The following CSMD2 variants were observed in gnomAD, a reference collection of about 807,000 sequenced individuals.
CSMD2 encodes the protein CUB and sushi domain-containing protein 2.
A neutral mutation model predicts 398.5 loss-of-function variants in CSMD2; 130 were observed. The observed-to-expected ratio is 0.33, with a 90% CI of 0.28 to 0.38. The LOEUF is 0.38. CSMD2 is among the 10% of genes least tolerant of loss of function. CSMD2 has a pLI of 1.00. For missense variants in CSMD2, 3,829 were observed against 4,764.9 expected (o/e 0.80, Z 5.78); for synonymous variants, 1,828 against 1,908.5 (o/e 0.96, Z 1.10).
At position 33,593,431 on chromosome 1, in the gene CSMD2, G is replaced by A. The variant is rs575412337; in HGVS notation, c.6857-6263C>T. Among the ~76,000 whole-genome samples, 23 of 152,348 alleles carry A rather than the reference G, an allele frequency of 1.5e-4. No homozygotes were observed. The South Asian group carries it at 4.8e-3, about 32-fold the overall frequency. ...AGGTTTATTGGACTTACAATTCCAC[G>A]TGGCTGGGGAGGCCTCATAATCATG... On this transcript the variant is annotated intron_variant, in intron 44 of 70. Transcript: ENST00000373381.
At chr1:33,709,044 T>G (rs750242243) in intron 22 of CSMD2, 45 bp downstream of exon 22, 1 of 1,512,596 alleles carries the variant, frequency 6.6e-7, no homozygotes, top group Non-Finnish European at 9.0e-7. Context: ...TTGACTAGAC[T>G]ATTGCATACT....
chr1:33,825,628 C>T (rs753012098), intron 7 of CSMD2, 69 bp downstream of exon 7: 146 of 1,356,778 alleles, frequency 1.1e-4, no homozygotes, highest in African/African-American at 2.3e-4. Context: ...GGCTTCCCCA[C>T]GGTTTAGTGC....
At chr1:33,881,230 G>A (rs772508318) in intron 5 of CSMD2, among the ~76,000 whole-genome samples, 29 of 152,192 alleles carry the variant, frequency 1.9e-4, no homozygotes, top group Non-Finnish European at 3.5e-4. Context: ...ACCCTCCTCT[G>A]TGAATCCTTT....
Position 33,743,335 on chromosome 1 carries a change from G to A in CSMD2, c.2118C>T (p.Leu706=), listed in dbSNP as rs199900835. The change falls in exon 14 of 71, where the codon CTC becomes CTT. Residue 706 remains leucine (L), a synonymous_variant. Coordinates refer to ENST00000373381, the MANE Select transcript of CSMD2 (RefSeq NM_001281956.2). Reference sequence around the variant, plus strand: ...CTGTGGAGTGGTCAGTCTGGAACTCGAGACGGGCCACGTGGCCACTGCTTG... The same window carrying A: ...CTGTGGAGTGGTCAGTCTGGAACTCAAGACGGGCCACGTGGCCACTGCTTG... ...SITSSGHVAR[L]EFQTDHSTGK... is the part of the protein sequence containing the mutation. 2.6e-5 allele frequency: 42 copies of A among 1,614,056 alleles called. No homozygotes were observed. The highest frequency in any genetic ancestry group is 1.3e-4 in the Admixed American group (8 of 60,018).
intron 13 of CSMD2, among the ~76,000 whole-genome samples, chr1:33,764,263 T>G (rs1376942924): frequency 6.6e-6 from 1 of 152,082 alleles, no homozygotes; most frequent in Admixed American, 6.5e-5. Context: ...AGCCCTGGAC[T>G]CCCTCAACTC....
chr1:33,817,287 AGAG>A (rs1321202288), intron 9 of CSMD2, among the ~76,000 whole-genome samples: 1 of 152,170 alleles, frequency 6.6e-6, no homozygotes, highest in Non-Finnish European at 1.5e-5. Flanking sequence ...GAGAAAAAAG[AGAG>A]AAGAAGGCAG....
intron 1 of CSMD2, among the ~76,000 whole-genome samples, chr1:34,134,138 A>C (rs77030104): frequency 0.027 from 4,030 of 150,770 alleles, 77 homozygotes; most frequent in African/African-American, 0.045. Flanking sequence ...GTGTGCTGTG[A>C]TGCCTCATGC....
chr1:33,874,429 T>C (rs1490540179), intron 5 of CSMD2, among the ~76,000 whole-genome samples: 1 of 152,194 alleles, frequency 6.6e-6, no homozygotes, highest in African/African-American at 2.4e-5. Flanking sequence ...AATGAACAAT[T>C]GAATCATGAG....
intron 64 of CSMD2, among the ~76,000 whole-genome samples, chr1:33,529,888 G>A (rs1655092261): frequency 6.6e-6 from 1 of 152,104 alleles, no homozygotes; most frequent in African/African-American, 2.4e-5. Context: ...CCTTATAAAG[G>A]CCTTGTATTT....
intron 13 of CSMD2, among the ~76,000 whole-genome samples, chr1:33,753,981 G>C (rs1648630800): frequency 6.6e-6 from 1 of 152,196 alleles, no homozygotes; most frequent in South Asian, 2.1e-4. Flanking sequence ...CCAGCTCATA[G>C]GTGGAAGGAA....
At chr1:33,622,320 C>G in intron 36 of CSMD2, 49 bp from the exon 37 acceptor site, 1 of 1,319,236 alleles carries the variant, frequency 7.6e-7, no homozygotes, top group Non-Finnish European at 1.1e-6. Flanking sequence ...CTCCTCCAGG[C>G]CCTTGCATTC....
At chr1:33,876,053 C>T (rs1193625353) in intron 5 of CSMD2, among the ~76,000 whole-genome samples, 1 of 152,194 alleles carries the variant, frequency 6.6e-6, no homozygotes, top group African/African-American at 2.4e-5. Flanking sequence ...AGCTTGCAGC[C>T]ATCAGGGGCT....
rs777685169 is a variant in CSMD2 at position 33,782,878 on chromosome 1, A to AT, written c.1663+5721dup. The stretch of plus-strand genomic sequence containing the variant: ...ATCCTAAAATCAATGGGAAGTTGTC[A>AT]TTTTTTTTTTAACTAGGGGGGAATT... On this transcript the variant is annotated intron_variant, in intron 12 of 70. Coordinates refer to ENST00000373381, the MANE Select transcript of CSMD2 (RefSeq NM_001281956.2). 1.1e-3 allele frequency among the ~76,000 whole-genome samples: 162 copies of AT among 149,844 alleles called. 1 individual carries two copies. The highest frequency in any genetic ancestry group is 3.3e-3 in the African/African-American group (137 of 40,926).
chr1:34,012,005 T>C (rs1647405927), intron 3 of CSMD2, among the ~76,000 whole-genome samples: 1 of 152,204 alleles, frequency 6.6e-6, no homozygotes, highest in Non-Finnish European at 1.5e-5. Flanking sequence ...AGTGAGACTA[T>C]AAACATCGCT....
chr1:34,152,557 T>G (rs544836977), intron 1 of CSMD2, among the ~76,000 whole-genome samples: 1 of 152,282 alleles, frequency 6.6e-6, no homozygotes, highest in South Asian at 2.1e-4. Flanking sequence ...CAGGAGCCCA[T>G]GCAGATGAAC....
intron 49 of CSMD2, among the ~76,000 whole-genome samples, chr1:33,572,977 C>T (rs1659731703): frequency 6.6e-6 from 1 of 152,102 alleles, no homozygotes; most frequent in African/African-American, 2.4e-5. Flanking sequence ...CATCTGTTCC[C>T]ACAAACACAG....
intron 1 of CSMD2, among the ~76,000 whole-genome samples, chr1:34,135,793 C>G (rs1638691051): frequency 6.6e-6 from 1 of 151,922 alleles, no homozygotes; most frequent in African/African-American, 2.4e-5. Flanking sequence ...TATGATATAT[C>G]TACAATGATC....
intron 2 of CSMD2, among the ~76,000 whole-genome samples, chr1:34,079,200 A>G (rs938733921): frequency 3.3e-5 from 5 of 152,218 alleles, no homozygotes; most frequent in Non-Finnish European, 7.3e-5. Flanking sequence ...AACATCAGGA[A>G]TAAGTCAAGG....
intron 3 of CSMD2, among the ~76,000 whole-genome samples, chr1:33,939,757 T>G (rs568820466): frequency 6.6e-6 from 1 of 152,258 alleles, no homozygotes; most frequent in East Asian, 1.9e-4. Context: ...GGGGCTCATT[T>G]CCAACCCCAC....
Sources: gnomAD v4.1 joint callset for allele counts (sites outside exome capture counted in the v4.1 genomes callset) on GRCh38, gnomAD v4.1.1 for gene constraint, MANE v1.5 for transcripts, NCBI Gene and HGNC (gene_info 2026-07-23, HGNC 2026-07-21) for gene names.